The following ZFP90 variants were observed in gnomAD, a reference collection of about 807,000 sequenced individuals.
ZFP90 encodes zinc finger protein 90 homolog.
A neutral mutation model predicts 60.8 loss-of-function variants in ZFP90; 38 were observed. The ratio of observed to expected loss-of-function variants is 0.62; its 90% CI spans 0.48 to 0.82. The LOEUF is 0.82. Ranked by LOEUF, ZFP90 falls within the 40% of genes least tolerant of loss-of-function variation. ZFP90 has a pLI of 0.00. For missense variants in ZFP90, 711 were observed against 759.1 expected, an observed-to-expected ratio of 0.94 and a Z score of 0.74; for synonymous variants, 287 against 264.8, an observed-to-expected ratio of 1.08 and a Z score of -0.82.
chr16:68,535,244 G>A (rs1178427592), upstream of ZFP90, among the ~76,000 whole-genome samples: 1 of 152,178 alleles, frequency 6.6e-6, no homozygotes, highest in East Asian at 1.9e-4. Context: ...GGACCACCCA[G>A]GGACTGTGAA....
chr16:68,544,906 T>C (rs1455928929), intron 2 of ZFP90, among the ~76,000 whole-genome samples: 1 of 134,260 alleles, frequency 7.4e-6, no homozygotes, highest in East Asian at 2.1e-4. Context: ...TTTTTTGAGA[T>C]GGAGTCTCAT....
intron 2 of ZFP90, among the ~76,000 whole-genome samples, chr16:68,574,906 C>A (rs1443386810): frequency 8.3e-6 from 1 of 120,084 alleles, no homozygotes; most frequent in Non-Finnish European, 1.6e-5. Context: ...CAGCCTGGGC[C>A]ACAGAGTGAG....
chr16:68,539,627 C>T (rs1473403825), intron 1 of ZFP90, 131 bp from the exon 2 acceptor site: 1 of 694,960 alleles, frequency 1.4e-6, no homozygotes, highest in Admixed American at 3.4e-5. Context: ...GAGCGGCAGG[C>T]CCGGGCTGGT....
chr16:68,542,778 T>C (rs566969671), intron 2 of ZFP90, among the ~76,000 whole-genome samples: 4 of 152,326 alleles, frequency 2.6e-5, no homozygotes, highest in Non-Finnish European at 4.4e-5. Flanking sequence ...TTTGGCCTTG[T>C]AACTCGTTCA....
At chr16:68,546,225 C>T (rs1354039994) in intron 2 of ZFP90, among the ~76,000 whole-genome samples, 1 of 152,150 alleles carries the variant, frequency 6.6e-6, no homozygotes, top group Non-Finnish European at 1.5e-5. Flanking sequence ...ATATTAGAGA[C>T]TTTTTACCTT....
chr16:68,576,039 TTA>T, exon 3 of ZFP90: 9 of 281,928 alleles, frequency 3.2e-5, no homozygotes, highest in Non-Finnish European at 4.7e-5. Context: ...AAACATTTAT[TTA>T]AAAAAAAAAA....
chr16:68,558,152 C>A, intron 3 of ZFP90, 28 bp downstream of exon 3: 1 of 1,609,854 alleles, frequency 6.2e-7, no homozygotes, highest in South Asian at 1.1e-5. Context: ...GAGTGTCTTT[C>A]CTGCTGATGG....
intron 2 of ZFP90, among the ~76,000 whole-genome samples, chr16:68,550,216 AT>A (rs1465554847): frequency 3.3e-5 from 5 of 152,220 alleles, no homozygotes; most frequent in African/African-American, 1.2e-4. Flanking sequence ...GGCATTTTAC[AT>A]TCTTTCCTTG....
rs2091049582 is a variant in ZFP90 at position 68,541,528 on chromosome 16, C to G, written c.33+1703C>G. On this transcript the variant is annotated intron_variant, in intron 2 of 4. Transcript: ENST00000563169. ...TAAAGATGGGGTTTCACCATGTTGGCCAGGATGGTCTCGATCTCCTGACCT... is the reference window on the plus strand; with the variant it reads ...TAAAGATGGGGTTTCACCATGTTGGGCAGGATGGTCTCGATCTCCTGACCT... 2.0e-5 allele frequency among the ~76,000 whole-genome samples: 3 copies of G among 152,108 alleles called. No homozygotes were observed. The South Asian group carries it at 6.2e-4, about 32-fold the overall frequency.
In ZFP90 at chr16:68,566,557, C is replaced by G; in HGVS notation, c.*1859C>G. 4 of 985,520 alleles carry G rather than the reference C, an allele frequency of 4.1e-6. No homozygotes were observed. Among genetic ancestry groups the G allele is most frequent in the Non-Finnish European group, 4.8e-6 (4 of 829,930 alleles). The allele number at this position is 985,520 out of a possible 1,614,324, so 61.0% of individuals were successfully genotyped here. On this transcript the variant is annotated 3_prime_UTR_variant, in exon 5 of 5. Coordinates refer to ENST00000563169, the MANE Select transcript of ZFP90 (RefSeq NM_001305203.2). ...ATGTAATATGTGTAGCTCAATTAGT[C>G]TCTCCTCTGTGATGCAAAATGGAAT...
upstream of ZFP90, among the ~76,000 whole-genome samples, chr16:68,534,477 C>G (rs2090947281): frequency 6.6e-6 from 1 of 151,124 alleles, no homozygotes; most frequent in African/African-American, 2.4e-5. Flanking sequence ...ATCCACCTGC[C>G]TCGGCCTCTC....
downstream of ZFP90, among the ~76,000 whole-genome samples, chr16:68,570,403 G>T (rs1341594096): frequency 6.6e-6 from 1 of 152,222 alleles, no homozygotes; most frequent in East Asian, 1.9e-4. Context: ...CAACTCCTAG[G>T]CAGTGCACCC....
intron 4 of ZFP90, 62 bp from the exon 5 acceptor site, chr16:68,562,982 A>G: frequency 6.3e-7 from 1 of 1,599,088 alleles, no homozygotes; most frequent in Non-Finnish European, 8.5e-7. Context: ...CTTCATTCCT[A>G]CTCTAGCAGT....
At chr16:68,540,253 G>T in intron 2 of ZFP90, among the ~76,000 whole-genome samples, 1 of 152,290 alleles carries the variant, frequency 6.6e-6, no homozygotes, top group South Asian at 2.1e-4. Context: ...GTAAGGGGCC[G>T]TAGAAGCCTG....
Position 68,564,654 on chromosome 16 carries a change from G to A in ZFP90, c.1867G>A (p.Ala623Thr). The A allele has an allele frequency of 6.2e-7, 1 of 1,613,616 alleles. No homozygotes were observed. The highest frequency in any genetic ancestry group is 8.5e-7 in the Non-Finnish European group (1 of 1,179,890). ...ECGKNFSRSS[A>T]LTKHQRIHTR... is the part of the protein sequence containing the mutation. ...TGGGAAAAACTTCAGCCGAAGTTCA[G>A]CTCTTACTAAACACCAGAGAATTCA... is the stretch of plus-strand genomic sequence containing the variant. Residue 623 changes from alanine (A) to threonine (T), a missense_variant, in exon 5 of 5, where the codon GCT (alanine) becomes ACT (threonine). Physicochemically the swap from Ala to Thr is moderately conservative, Grantham distance 58. Transcript: ENST00000563169.
intron 2 of ZFP90, among the ~76,000 whole-genome samples, chr16:68,534,229 C>T (rs143534943): frequency 1.5e-4 from 20 of 135,150 alleles, no homozygotes; most frequent in South Asian, 4.5e-4. Context: ...GATTTTCTTT[C>T]TTTCTTTTTT....
intron 2 of ZFP90, among the ~76,000 whole-genome samples, chr16:68,544,525 A>T (rs1277386770): frequency 6.6e-6 from 1 of 152,136 alleles, no homozygotes; most frequent in African/African-American, 2.4e-5. Context: ...CTTGATAGAG[A>T]GGAAATGGGG....
upstream of ZFP90, among the ~76,000 whole-genome samples, chr16:68,535,836 A>G (rs115246217): frequency 4.9e-3 from 751 of 152,236 alleles, 11 homozygotes; most frequent in African/African-American, 0.017. Context: ...ATTTTAAAAG[A>G]TTTTTAAGTT....
downstream of ZFP90, among the ~76,000 whole-genome samples, chr16:68,571,521 T>C (rs2091568115): frequency 1.3e-5 from 2 of 152,190 alleles, no homozygotes; most frequent in Non-Finnish European, 2.9e-5. Context: ...ACCTGCTTGG[T>C]TTCCCTCAGG....
Sources: gnomAD v4.1 joint callset for allele counts (sites outside exome capture counted in the v4.1 genomes callset) on GRCh38, gnomAD v4.1.1 for gene constraint, MANE v1.5 for transcripts, NCBI Gene and HGNC (gene_info 2026-07-23, HGNC 2026-07-21) for gene names.